CCSER1: variants seen among roughly 807,000 people sequenced by gnomAD.
CCSER1 encodes the protein serine-rich coiled-coil domain-containing protein 1.
In CCSER1, 41 loss-of-function variants were observed where a neutral mutation model predicts 82.0. The ratio of observed to expected loss-of-function variants is 0.50; its 90% CI spans 0.39 to 0.65. The LOEUF (loss-of-function observed/expected upper bound fraction) is 0.65, where lower values mean the gene tolerates loss of function less well. Ranked by LOEUF, CCSER1 falls within the 30% of genes least tolerant of loss-of-function variation. CCSER1 has a pLI of 0.00. For missense variants in CCSER1, 1,119 were observed against 1,064.2 expected (o/e 1.05, Z -0.72); for synonymous variants, 414 against 383.9 (o/e 1.08, Z -0.92).
chr4:91,216,782 T>C (rs1488109771), intron 10 of CCSER1, among the ~76,000 whole-genome samples: 1 of 152,232 alleles, frequency 6.6e-6, no homozygotes, highest in East Asian at 1.9e-4. Context: ...TATGTTAATT[T>C]ACCCACTTGT....
chr4:90,458,783 A>G (rs1035227020), intron 4 of CCSER1, among the ~76,000 whole-genome samples: 5 of 152,224 alleles, frequency 3.3e-5, no homozygotes, highest in Non-Finnish European at 5.9e-5. Context: ...TTCTAATATT[A>G]TGTGTGGAAT....
intron 10 of CCSER1, among the ~76,000 whole-genome samples, chr4:91,422,516 T>C (rs1302422615): frequency 6.6e-6 from 1 of 152,196 alleles, no homozygotes; most frequent in Non-Finnish European, 1.5e-5. Flanking sequence ...TATTTTGTTT[T>C]CCATGTGGAT....
Position 90,230,353 on chromosome 4 carries a change from A to G in CCSER1, c.-41-77891A>G, listed in dbSNP as rs529698718. On this transcript the variant is annotated intron_variant, in intron 1 of 10. Transcript: ENST00000509176. Reference sequence around the variant, plus strand: ...CGCTCAACTACATGGAAACTGAACAACCTGCTCCTGAATGACTACTGGGTA... The same window carrying G: ...CGCTCAACTACATGGAAACTGAACAGCCTGCTCCTGAATGACTACTGGGTA... Among the ~76,000 whole-genome samples the G allele has an allele frequency of 3.3e-4, 51 of 152,290 alleles. 1 individual carries two copies. In the East Asian group the frequency reaches 9.5e-3, roughly 28 times the overall value.
intron 1 of CCSER1, among the ~76,000 whole-genome samples, chr4:90,202,241 C>A (rs1737855554): frequency 6.6e-6 from 1 of 151,470 alleles, no homozygotes; most frequent in South Asian, 2.1e-4. Flanking sequence ...GCTCTGTCAC[C>A]CAAGCTGCTG....
At chr4:90,692,103 T>A (rs1475733860) in intron 6 of CCSER1, among the ~76,000 whole-genome samples, 1 of 150,244 alleles carries the variant, frequency 6.7e-6, no homozygotes, top group Non-Finnish European at 1.5e-5. Flanking sequence ...AGAGCTCTTA[T>A]GATCATAAAA....
intron 8 of CCSER1, among the ~76,000 whole-genome samples, chr4:90,816,606 T>A (rs17017659): frequency 0.055 from 8,392 of 152,136 alleles, 388 homozygotes; most frequent in East Asian, 0.22. Context: ...AGAAGAGATA[T>A]TTTTAATTCA....
At chr4:91,268,992 A>G (rs1160724952) in intron 10 of CCSER1, among the ~76,000 whole-genome samples, 1 of 152,228 alleles carries the variant, frequency 6.6e-6, no homozygotes, top group African/African-American at 2.4e-5. Flanking sequence ...AATGCTAACA[A>G]TAAAATTCAG....
chr4:90,600,326 A>C (rs531406041), intron 5 of CCSER1, among the ~76,000 whole-genome samples: 1 of 152,210 alleles, frequency 6.6e-6, no homozygotes, highest in South Asian at 2.1e-4. Context: ...AGCATATGAG[A>C]TTTCCTACCC....
intron 10 of CCSER1, among the ~76,000 whole-genome samples, chr4:91,156,857 T>C: frequency 6.6e-6 from 1 of 151,962 alleles, no homozygotes; most frequent in East Asian, 1.9e-4. Context: ...TTATTCCTTT[T>C]CCTGCATTTT....
At chr4:90,168,604 T>A (rs1730981241) in intron 1 of CCSER1, among the ~76,000 whole-genome samples, 1 of 152,190 alleles carries the variant, frequency 6.6e-6, no homozygotes, top group South Asian at 2.1e-4. Flanking sequence ...TTTTTATGGT[T>A]TTAGGTCTAA....
At chr4:90,232,759 A>G (rs1266357018) in intron 1 of CCSER1, among the ~76,000 whole-genome samples, 5 of 149,464 alleles carry the variant, frequency 3.3e-5, no homozygotes, top group Non-Finnish European at 7.5e-5. Flanking sequence ...TCTACAATGA[A>G]CTCAAACAAA....
At chr4:91,512,675 T>G (rs1759891796) in intron 10 of CCSER1, among the ~76,000 whole-genome samples, 1 of 152,210 alleles carries the variant, frequency 6.6e-6, no homozygotes, top group African/African-American at 2.4e-5. Context: ...ATACAAGATC[T>G]TTCACCTCCT....
intron 10 of CCSER1, among the ~76,000 whole-genome samples, chr4:91,412,467 G>A (rs1244852772): frequency 6.6e-6 from 1 of 151,900 alleles, no homozygotes; most frequent in Non-Finnish European, 1.5e-5. Flanking sequence ...TGTGAAATTG[G>A]TAACAAGCTC....
Position 90,199,333 on chromosome 4 carries a change from A to G in CCSER1, c.-42+71502A>G, listed in dbSNP as rs187435127. Among the ~76,000 whole-genome samples, 148 of 152,226 alleles carry G rather than the reference A, an allele frequency of 9.7e-4. 1 individual carries two copies. Among genetic ancestry groups the G allele is most frequent in the Middle Eastern group, 3.4e-3 (1 of 294 alleles). Reference sequence around the variant, plus strand: ...AGGCTATAATGGGCCTCTACTTGTTATTTACTTTTTCTCTAAATGAAGAAC... The same window carrying G: ...AGGCTATAATGGGCCTCTACTTGTTGTTTACTTTTTCTCTAAATGAAGAAC... On this transcript the variant is annotated intron_variant, in intron 1 of 10. Coordinates refer to ENST00000509176, the MANE Select transcript of CCSER1 (RefSeq NM_001145065.2).
At chr4:90,782,488 G>A (rs1753905050) in intron 7 of CCSER1, among the ~76,000 whole-genome samples, 1 of 152,086 alleles carries the variant, frequency 6.6e-6, no homozygotes, top group South Asian at 2.1e-4. Flanking sequence ...GGCTTTTTTA[G>A]TGGGTGTTGA....
chr4:90,695,909 C>A (rs566794169), intron 6 of CCSER1, among the ~76,000 whole-genome samples: 1 of 151,664 alleles, frequency 6.6e-6, no homozygotes, highest in African/African-American at 2.4e-5. Context: ...AGAGATGACA[C>A]AAAGAGCTAG....
At chr4:91,251,231 T>A (rs2149146605) in intron 10 of CCSER1, among the ~76,000 whole-genome samples, 1 of 152,230 alleles carries the variant, frequency 6.6e-6, no homozygotes, top group Non-Finnish European at 1.5e-5. Flanking sequence ...ATGGTTGGGT[T>A]CTAGTGAGGG....
intron 10 of CCSER1, among the ~76,000 whole-genome samples, chr4:91,379,488 T>C (rs1483279475): frequency 2.0e-5 from 3 of 152,214 alleles, no homozygotes; most frequent in Non-Finnish European, 2.9e-5. Flanking sequence ...TGGGAGGGTG[T>C]ATGTGTCCAG....
At chr4:90,529,432 G>A (rs959677510) in intron 5 of CCSER1, among the ~76,000 whole-genome samples, 1 of 152,050 alleles carries the variant, frequency 6.6e-6, no homozygotes, top group Non-Finnish European at 1.5e-5. Context: ...GTTTCACCAT[G>A]TTGGCTAAGC....
Sources: gnomAD v4.1 joint callset for allele counts (sites outside exome capture counted in the v4.1 genomes callset) on GRCh38, gnomAD v4.1.1 for gene constraint, MANE v1.5 for transcripts, NCBI Gene and HGNC (gene_info 2026-07-23, HGNC 2026-07-21) for gene names.